ZNF610: variants seen among roughly 807,000 people sequenced by gnomAD.
ZNF610 encodes zinc finger protein 610, also known as zink finger protein.
In ZNF610, 14 loss-of-function variants were observed where a neutral mutation model predicts 14.1. That is an observed-to-expected ratio of 0.99 (90% CI 0.65 to 1.55). ZNF610 has a LOEUF of 1.55. Ranked by LOEUF, ZNF610 falls within the 40% of genes most tolerant of loss-of-function variation. The pLI is 0.00. For synonymous variants in ZNF610, 185 were observed against 187.6 expected (o/e 0.99, Z 0.11); for missense variants, 530 against 558.0 (o/e 0.95, Z 0.51).
intron 1 of ZNF610, among the ~76,000 whole-genome samples, chr19:52,343,006 C>A (rs2122185897): frequency 6.6e-6 from 1 of 152,096 alleles, no homozygotes; most frequent in Non-Finnish European, 1.5e-5. Context: ...TCCACCCACC[C>A]CTCTCTCCTG....
the ZNF610 span, among the ~76,000 whole-genome samples, chr19:52,331,167 C>A: frequency 2.0e-5 from 3 of 152,254 alleles, no homozygotes; most frequent in African/African-American, 7.2e-5. Flanking sequence ...GACAGGTGAT[C>A]AAGGTTGACA....
upstream of ZNF610, among the ~76,000 whole-genome samples, chr19:52,333,454 G>T (rs2122149314): frequency 6.6e-6 from 1 of 152,300 alleles, no homozygotes. Flanking sequence ...CTGCCCTCTG[G>T]CTCTGTGGGC....
Position 52,365,578 on chromosome 19 carries a change from G to A in ZNF610, c.320-120G>A, listed in dbSNP as rs1192108063. ...GTTTTCAGCTCTCACAATGTGACAT[G>A]CAAAGTATGCCGATACTTCTTCCAG... On this transcript the variant is annotated intron_variant, in intron 5 of 5. Transcript: ENST00000403906. 8.9e-6 allele frequency: 8 copies of A among 899,706 alleles called. No individual in the cohort carries two copies. The East Asian group carries it at 1.9e-4, about 22-fold the overall frequency. The allele number at this position is 899,706 out of a possible 1,614,324, so 55.7% of individuals were successfully genotyped here.
intron 1 of ZNF610, among the ~76,000 whole-genome samples, chr19:52,339,526 G>A (rs923958582): frequency 4.6e-5 from 7 of 152,074 alleles, no homozygotes; most frequent in African/African-American, 1.4e-4. Flanking sequence ...TTTTAACAAA[G>A]CACATCCTGC....
At chr19:52,332,154 G>T (rs1984229988), upstream of ZNF610, among the ~76,000 whole-genome samples, 1 of 152,224 alleles carries the variant, frequency 6.6e-6, no homozygotes, top group South Asian at 2.1e-4. The surrounding 1 kb of genome is among the most constrained non-coding windows in gnomAD (Gnocchi z 4.1). Flanking sequence ...CTGGGAATGG[G>T]AAGTTTTCTG....
intron 3 of ZNF610, among the ~76,000 whole-genome samples, 189 bp from the exon 4 acceptor site, chr19:52,353,493 C>A (rs1180011272): frequency 6.6e-6 from 1 of 152,116 alleles, no homozygotes; most frequent in Non-Finnish European, 1.5e-5. Context: ...CCTAGTAAAA[C>A]CCCATCTGAA....
chr19:52,365,480 C>G lies in ZNF610; in HGVS notation c.320-218C>G, dbSNP rs138813916. Among the ~76,000 whole-genome samples the G allele has an allele frequency of 5.9e-3, 900 of 152,264 alleles. 12 individuals carry two copies. Among genetic ancestry groups the G allele is most frequent in the African/African-American group, 0.02 (834 of 41,540 alleles). ...TTCTATTTTTCTGCCCTTAATCTTTCTCAAAGTCACTCATAATCCTCCCGA... is the reference window on the plus strand; with the variant it reads ...TTCTATTTTTCTGCCCTTAATCTTTGTCAAAGTCACTCATAATCCTCCCGA... On this transcript the variant is annotated intron_variant, in intron 5 of 5. Transcript: ENST00000403906.
intron 3 of ZNF610, among the ~76,000 whole-genome samples, chr19:52,353,114 A>G (rs1359249356): frequency 6.6e-6 from 1 of 151,770 alleles, no homozygotes; most frequent in Non-Finnish European, 1.5e-5. Context: ...AATTTTTTGT[A>G]TTTTTAGTAG....
At chr19:52,337,889 G>T (rs1984458633) in intron 1 of ZNF610, among the ~76,000 whole-genome samples, 1 of 152,190 alleles carries the variant, frequency 6.6e-6, no homozygotes, top group South Asian at 2.1e-4. Context: ...GCAGTGACTT[G>T]CCTCATTCGG....
intron 5 of ZNF610, among the ~76,000 whole-genome samples, chr19:52,363,419 C>T (rs1985879450): frequency 6.6e-6 from 1 of 152,094 alleles, no homozygotes; most frequent in South Asian, 2.1e-4. Flanking sequence ...GTGTGAGCCA[C>T]CCTGCCTGGT....
At chr19:52,357,674 T>A (rs113974901) in intron 5 of ZNF610, among the ~76,000 whole-genome samples, 2,171 of 135,968 alleles carry the variant, frequency 0.016, 44 homozygotes, top group African/African-American at 0.051. Context: ...AAAAAAAATT[T>A]AAAAAATTAG....
rs1370426078 is a variant in ZNF610, at chr19:52,366,193, A to G, written c.815A>G (p.Asn272Ser). 7 of 1,613,792 alleles carry G rather than the reference A, an allele frequency of 4.3e-6. No individual in the cohort carries two copies. In the African/African-American group the frequency reaches 8.0e-5, roughly 18 times the overall value. ...CSECDKVFNR[N>S]SNLARHQRIH... The stretch of plus-strand genomic sequence containing the variant: ...GAATGTGACAAGGTGTTTAATCGCA[A>G]TTCAAACCTTGCACGACATCAAAGA... The change falls in exon 6 of 6, where the codon AAT becomes AGT. Residue 272 changes from asparagine (N) to serine (S), a missense_variant. Transcript: ENST00000403906.
In ZNF610 at chr19:52,366,676, G is replaced by A. The variant is rs1247569259; in HGVS notation, c.1298G>A (p.Cys433Tyr). ...GAGAGACCTTACAAGTGTAATGCAT[G>A]TGGCAAGGTCTTCAATCAAAATCCA... is the stretch of plus-strand genomic sequence containing the variant. ...TGERPYKCNA[C>Y]GKVFNQNPHL... Residue 433 changes from cysteine (C) to tyrosine (Y), a missense_variant, in exon 6 of 6, where the codon TGT becomes TAT. Physicochemically the swap from Cys to Tyr is radical, Grantham distance 194. Coordinates refer to ENST00000403906, the MANE Select transcript of ZNF610 (RefSeq NM_001161425.2). The A allele has an allele frequency of 6.2e-7, 1 of 1,614,208 alleles. No homozygotes were observed. The highest frequency in any genetic ancestry group is 1.7e-5 in the Admixed American group (1 of 60,022).
At chr19:52,349,126 C>T in intron 2 of ZNF610, 28 bp from the exon 3 acceptor site, 1 of 1,519,488 alleles carries the variant, frequency 6.6e-7, no homozygotes, top group Non-Finnish European at 9.1e-7. Context: ...TGATTCCGAG[C>T]AGTAATCAGT....
intron 3 of ZNF610, among the ~76,000 whole-genome samples, chr19:52,350,637 C>A (rs763074265): frequency 3.3e-5 from 5 of 152,002 alleles, no homozygotes; most frequent in Non-Finnish European, 7.4e-5. Flanking sequence ...AAGGTCACGC[C>A]ACTGCACTCC....
upstream of ZNF610, among the ~76,000 whole-genome samples, chr19:52,332,615 C>T (rs10411053): frequency 0.57 from 86,454 of 151,780 alleles, 24,770 homozygotes; most frequent in Non-Finnish European, 0.59. This position sits in a 1 kb window ranked among gnomAD's most constrained non-coding sequence, Gnocchi z 4.1. Flanking sequence ...GTACCACCAC[C>T]TTCGGTGGCA....
At chr19:52,352,956 G>T (rs1340956301) in intron 3 of ZNF610, among the ~76,000 whole-genome samples, 4 of 151,710 alleles carry the variant, frequency 2.6e-5, no homozygotes, top group African/African-American at 7.3e-5. Context: ...TTTATTTTTT[G>T]AGACGGAGTC....
intron 3 of ZNF610, among the ~76,000 whole-genome samples, chr19:52,353,049 C>T (rs570367136): frequency 1.3e-5 from 2 of 152,100 alleles, no homozygotes; most frequent in African/African-American, 4.8e-5. Context: ...AGCAATTCTC[C>T]TGCCTCAGCC....
upstream of ZNF610, among the ~76,000 whole-genome samples, chr19:52,334,189 A>G (rs1041028862): frequency 2.0e-4 from 31 of 152,200 alleles, no homozygotes; most frequent in African/African-American, 1.7e-4. Flanking sequence ...AAATCTATAA[A>G]TCTTCTAAAA....
Sources: gnomAD v4.1 joint callset for allele counts (sites outside exome capture counted in the v4.1 genomes callset) on GRCh38, gnomAD v4.1.1 for gene constraint, Gnocchi (gnomAD v3.1) non-coding constraint, MANE v1.5 for transcripts, NCBI Gene and HGNC (gene_info 2026-07-23, HGNC 2026-07-21) for gene names.